The following SMC1B variants were observed in gnomAD, a reference collection of about 807,000 sequenced individuals.
SMC1B encodes structural maintenance of chromosomes protein 1B.
In SMC1B, 60 loss-of-function variants were observed where a neutral mutation model predicts 157.9. The observed-to-expected ratio is 0.38, with a 90% CI of 0.31 to 0.47. The LOEUF (loss-of-function observed/expected upper bound fraction) is 0.47, where lower values mean the gene tolerates loss of function less well. Ranked by LOEUF, SMC1B falls within the 20% of genes least tolerant of loss-of-function variation. The pLI, the probability that SMC1B is intolerant of heterozygous loss-of-function variation, is 0.99. For synonymous variants in SMC1B, 445 were observed against 483.0 expected (o/e 0.92, Z 1.03); for missense variants, 1,165 against 1,426.2 (o/e 0.82, Z 2.95).
chr22:45,413,357 G>T, intron 1 of SMC1B, 102 bp downstream of exon 1: 1 of 916,350 alleles, frequency 1.1e-6, no homozygotes, highest in Non-Finnish European at 1.6e-6. Context: ...GGGAAGGCCG[G>T]CCAGGCGCCC....
chr22:45,412,317 C>T (rs866443820), intron 1 of SMC1B, among the ~76,000 whole-genome samples: 1 of 151,908 alleles, frequency 6.6e-6, no homozygotes, highest in Non-Finnish European at 1.5e-5. Flanking sequence ...TCTCCTGCCT[C>T]AGCCTCCTCA....
Position 45,351,507 on chromosome 22 carries a change from A to T in SMC1B, c.3425+944T>A, listed in dbSNP as rs979623756. Among the ~76,000 whole-genome samples, 4 of 152,248 alleles carry T rather than the reference A, an allele frequency of 2.6e-5. No homozygotes were observed. The East Asian group carries it at 5.8e-4, about 22-fold the overall frequency. ...CTCTTGTATGTTTTTGTTCCTGGTCATGGAAATAGAGAAGCAGCAGTATCT... is the reference window on the plus strand; with the variant it reads ...CTCTTGTATGTTTTTGTTCCTGGTCTTGGAAATAGAGAAGCAGCAGTATCT... On this transcript the variant is annotated intron_variant, in intron 22 of 24. Transcript: ENST00000357450.
intron 9 of SMC1B, among the ~76,000 whole-genome samples, chr22:45,391,264 C>T (rs2087055976): frequency 6.6e-6 from 1 of 152,108 alleles, no homozygotes. Flanking sequence ...TTATTACTTA[C>T]ATGCTAACTA....
rs367708003 is a variant in SMC1B, at chr22:45,413,449, G to A, written c.109+10C>T. ...AGGCGCTCCGGTGGCGCCCTGAGCT[G>A]CTCAGTTACCAGAGCCGTTGGGGCC... On this transcript the variant is annotated intron_variant, in intron 1 of 24. Coordinates refer to ENST00000357450, the MANE Select transcript of SMC1B (RefSeq NM_148674.5). 5.6e-5 allele frequency: 89 copies of A among 1,597,254 alleles called. No homozygotes were observed. The highest frequency in any genetic ancestry group is 5.0e-4 in the Middle Eastern group (3 of 5,992).
Position 45,355,012 on chromosome 22 carries a change from C to G in SMC1B, c.3065G>C (p.Arg1022Pro). 1.2e-6 allele frequency: 2 copies of G among 1,614,134 alleles called. No homozygotes were observed. Among genetic ancestry groups the G allele is most frequent in the Non-Finnish European group, 1.7e-6 (2 of 1,180,028 alleles). Residue 1022 changes from arginine (R) to proline (P), a missense_variant, in exon 20 of 25, where the codon CGA becomes CCA. Arg to Pro is a moderately radical substitution (Grantham distance 103). Transcript: ENST00000357450. ...GACAGTCTTTAAGTTCTCCAGTGCT[C>G]GTAGGTTTGGGGCTGCTGTTTTCAG... ...ILLKTAAPNL[R>P]ALENLKTVRD...
chr22:45,359,485 C>T (rs1487971903), intron 18 of SMC1B, among the ~76,000 whole-genome samples: 2 of 152,302 alleles, frequency 1.3e-5, no homozygotes, highest in Middle Eastern at 3.4e-3. Flanking sequence ...GAGCAAGAAC[C>T]ACCCCCGCAC....
At chr22:45,358,665 T>C in intron 19 of SMC1B, 32 bp downstream of exon 19, 1 of 1,258,950 alleles carries the variant, frequency 7.9e-7, no homozygotes, top group Middle Eastern at 1.9e-4. Context: ...CGTATTACTG[T>C]GAGTGATAAA....
intron 17 of SMC1B, among the ~76,000 whole-genome samples, chr22:45,361,244 G>C (rs1241966042): frequency 1.3e-5 from 2 of 152,160 alleles, no homozygotes. Context: ...CTGTACAACA[G>C]GAAGACACCA....
intron 5 of SMC1B, 117 bp from the exon 6 acceptor site, chr22:45,399,470 G>T: frequency 1.0e-6 from 1 of 991,974 alleles, no homozygotes; most frequent in Non-Finnish European, 1.4e-6. Context: ...AACTTTCAGA[G>T]ACTGTAAGCA....
At chr22:45,395,511 G>A (rs1211270320) in intron 7 of SMC1B, among the ~76,000 whole-genome samples, 1 of 152,172 alleles carries the variant, frequency 6.6e-6, no homozygotes, top group Non-Finnish European at 1.5e-5. Flanking sequence ...GTCCAGTAGA[G>A]AGGTACCAAT....
At chr22:45,387,178 AT>A in intron 10 of SMC1B, 132 bp from the exon 11 acceptor site, 5 of 761,012 alleles carry the variant, frequency 6.6e-6, no homozygotes, top group Non-Finnish European at 1.0e-5. Flanking sequence ...GCCAGGCGTG[AT>A]GCTCACGCCT....
At chr22:45,364,061 C>G (rs915473799) in intron 15 of SMC1B, among the ~76,000 whole-genome samples, 4 of 152,106 alleles carry the variant, frequency 2.6e-5, no homozygotes, top group Admixed American at 2.6e-4. Context: ...GTTGGCCAGG[C>G]TGGTCTCAAA....
intron 1 of SMC1B, 104 bp downstream of exon 1, chr22:45,413,355 C>A: frequency 7.9e-6 from 7 of 891,162 alleles, no homozygotes; most frequent in Non-Finnish European, 1.2e-5. Context: ...AGGGGAAGGC[C>A]GGCCAGGCGC....
At chr22:45,374,574 T>A (rs1224164907) in intron 12 of SMC1B, among the ~76,000 whole-genome samples, 1 of 152,234 alleles carries the variant, frequency 6.6e-6, no homozygotes, top group Non-Finnish European at 1.5e-5. Flanking sequence ...CTAATTTTTC[T>A]TGGTTACAAG....
In SMC1B at chr22:45,384,523, G is replaced by A. The variant is rs149456434; in HGVS notation, c.1912-910C>T. Among the ~76,000 whole-genome samples, 1,327 of 151,946 alleles carry A rather than the reference G, an allele frequency of 8.7e-3. 23 individuals are homozygous for A. Among genetic ancestry groups the A allele is most frequent in the African/African-American group, 0.031 (1,275 of 41,430 alleles). ...TCACTTGAGGTCAGGAGTTTGAGAC[G>A]AGCCTGGCCAACATGGTGAAACCTC... On this transcript the variant is annotated intron_variant, in intron 11 of 24. Transcript: ENST00000357450.
intron 5 of SMC1B, among the ~76,000 whole-genome samples, chr22:45,400,873 C>G (rs1283385939): frequency 6.6e-6 from 1 of 152,142 alleles, no homozygotes; most frequent in Non-Finnish European, 1.5e-5. Flanking sequence ...GGCTTCCTCC[C>G]CACAGTCTGT....
intron 12 of SMC1B, among the ~76,000 whole-genome samples, chr22:45,374,470 G>C (rs925129708): frequency 6.6e-6 from 1 of 152,152 alleles, no homozygotes; most frequent in Non-Finnish European, 1.5e-5. Context: ...TGGAAAACTG[G>C]AGAGAGAAAT....
In SMC1B at chr22:45,350,740, A is replaced by C. The variant is rs190199579; in HGVS notation, c.3426-943T>G. On this transcript the variant is annotated intron_variant, in intron 22 of 24. Transcript: ENST00000357450. ...ATCTCAGTTAATGGCAGCTCTTATT[A>C]CTCTAGTTGATTAGGTCAAAACCCA... Among the ~76,000 whole-genome samples the C allele has an allele frequency of 1.4e-3, 211 of 151,768 alleles. 1 individual carries two copies. The highest frequency in any genetic ancestry group is 4.9e-3 in the African/African-American group (202 of 41,358).
intron 22 of SMC1B, among the ~76,000 whole-genome samples, chr22:45,350,385 C>A (rs1024186391): frequency 7.2e-5 from 11 of 152,210 alleles, no homozygotes. Flanking sequence ...TCAAGTGATT[C>A]TCCTGCCTCA....
Sources: gnomAD v4.1 joint callset for allele counts (sites outside exome capture counted in the v4.1 genomes callset) on GRCh38, gnomAD v4.1.1 for gene constraint, MANE v1.5 for transcripts, NCBI Gene and HGNC (gene_info 2026-07-23, HGNC 2026-07-21) for gene names.